MLLT3: variants seen among roughly 807,000 people sequenced by gnomAD.
The protein encoded by MLLT3 is protein AF-9.
MLLT3 carries 4 observed loss-of-function variants against 53.2 expected under a neutral mutation model. That is an observed-to-expected ratio of 0.08 (90% CI 0.04 to 0.17). MLLT3 has a LOEUF of 0.17. Among genes scored for constraint, MLLT3 ranks in the 10% least tolerant of loss-of-function variants. The pLI, the probability that MLLT3 is intolerant of heterozygous loss-of-function variation, is 1.00. For synonymous variants in MLLT3, 283 were observed against 230.6 expected (o/e 1.23, Z -2.06); for missense variants, 569 against 684.0 (o/e 0.83, Z 1.87).
Position 20,500,571 on chromosome 9 carries a change from C to T in MLLT3, c.194-43785G>A, listed in dbSNP as rs112041343. ...GGAAATCTTTGGAAAATTCAATTTG[C>T]CCCAGAATATATCCTAGTTCTCCCT... On this transcript the variant is annotated intron_variant, in intron 2 of 10. Transcript: ENST00000380338. 5.0e-3 allele frequency among the ~76,000 whole-genome samples: 756 copies of T among 152,258 alleles called. 5 individuals carry two copies. The highest frequency in any genetic ancestry group is 0.016 in the African/African-American group (669 of 41,538).
rs75657751 is a variant in MLLT3, at chr9:20,579,201, C to T, written c.193+41453G>A. ...TGGGCAACACAGTGAGACTACGTCT[C>T]TAAACAAATTAAAAATTAAAATTTA... On this transcript the variant is annotated intron_variant, in intron 2 of 10. Coordinates refer to ENST00000380338, the MANE Select transcript of MLLT3 (RefSeq NM_004529.4). Among the ~76,000 whole-genome samples, 610 of 152,174 alleles carry T rather than the reference C, an allele frequency of 4.0e-3. 1 individual carries two copies. Among genetic ancestry groups the T allele is most frequent in the African/African-American group, 0.014 (570 of 41,538 alleles).
chr9:20,598,340 A>T (rs1202097361), intron 2 of MLLT3, among the ~76,000 whole-genome samples: 1 of 152,208 alleles, frequency 6.6e-6, no homozygotes, highest in Non-Finnish European at 1.5e-5. Context: ...AATTACACTG[A>T]AATTTATCCA....
At chr9:20,532,960 T>C in intron 2 of MLLT3, 1 of 260,692 alleles carries the variant, frequency 3.8e-6, no homozygotes, top group Admixed American at 4.9e-5. Context: ...TCACCTGTCC[T>C]TCGAGCAGGA....
chr9:20,342,065 C>A lies in MLLT3; in HGVS notation c.*4378G>T, dbSNP rs893117495. On this transcript the variant is annotated 3_prime_UTR_variant, in exon 11 of 11. Transcript: ENST00000380338. ...TGTCCTCTCTCTGGATGTCTCAGAT[C>A]TCCCCATCTATTCTTCTTTAGAAAC... is the stretch of plus-strand genomic sequence containing the variant. 1 of 211,548 alleles carries A rather than the reference C, an allele frequency of 4.7e-6. No individual in the cohort carries two copies. The highest frequency in any genetic ancestry group is 2.3e-5 in the African/African-American group (1 of 44,040). 13.1% of individuals were successfully genotyped at this position (211,548 alleles called of 1,614,324 possible). A position where few individuals can be genotyped will look rare whatever the true frequency, so the allele number is the denominator to read the frequency against.
At chr9:20,450,572 G>T (rs569746238) in intron 3 of MLLT3, among the ~76,000 whole-genome samples, 4 of 152,070 alleles carry the variant, frequency 2.6e-5, no homozygotes, top group Non-Finnish European at 5.9e-5. Flanking sequence ...CATTCATTTG[G>T]CCTTTCACAA....
intron 4 of MLLT3, among the ~76,000 whole-genome samples, chr9:20,428,305 C>A (rs1467590670): frequency 6.6e-6 from 1 of 151,650 alleles, no homozygotes. Flanking sequence ...CTAACAGGAG[C>A]CTTTTAGTAA....
chr9:20,488,133 T>C (rs528035175), intron 2 of MLLT3, among the ~76,000 whole-genome samples: 157 of 152,184 alleles, frequency 1.0e-3, no homozygotes, highest in African/African-American at 3.7e-3. Context: ...AGGTAAAGAT[T>C]ACAGAAACAA....
chr9:20,469,591 C>G (rs899040047), intron 2 of MLLT3, among the ~76,000 whole-genome samples: 5 of 151,920 alleles, frequency 3.3e-5, no homozygotes, highest in African/African-American at 1.2e-4. Context: ...AAGGCTTCTG[C>G]CAGTAGTTGA....
At chr9:20,361,141 A>T (rs572277261) in intron 7 of MLLT3, among the ~76,000 whole-genome samples, 1 of 152,270 alleles carries the variant, frequency 6.6e-6, no homozygotes, top group African/African-American at 2.4e-5. Flanking sequence ...ATTCAAATAC[A>T]AGCAAGTGGC....
At chr9:20,371,219 G>A (rs1324465284) in intron 5 of MLLT3, among the ~76,000 whole-genome samples, 1 of 152,234 alleles carries the variant, frequency 6.6e-6, no homozygotes, top group African/African-American at 2.4e-5. Context: ...ACATAAAAGT[G>A]CAAGTTGAAG....
At chr9:20,548,188 A>G (rs7848021) in intron 2 of MLLT3, among the ~76,000 whole-genome samples, 106,143 of 152,178 alleles carry the variant, frequency 0.7, 37,288 homozygotes, top group East Asian at 0.85. Context: ...CAATTCTCTA[A>G]TCTAACCACA....
At chr9:20,460,054 A>C (rs1824071152) in intron 2 of MLLT3, among the ~76,000 whole-genome samples, 1 of 152,240 alleles carries the variant, frequency 6.6e-6, no homozygotes, top group African/African-American at 2.4e-5. Flanking sequence ...GTTCAAAAGA[A>C]ACAGAGGTTA....
intron 2 of MLLT3, among the ~76,000 whole-genome samples, chr9:20,535,166 G>C (rs1461127650): frequency 6.6e-6 from 1 of 152,202 alleles, no homozygotes; most frequent in African/African-American, 2.4e-5. Context: ...CAGATCAGTG[G>C]TGGCATTAGA....
chr9:20,622,288 G>C lies in MLLT3; in HGVS notation c.-32C>G. On this transcript the variant is annotated 5_prime_UTR_variant, in exon 1 of 11. Transcript: ENST00000380338. ...GGGCCCGGAGGTTTGCTGGGGTGTT[G>C]TGTGGTACCCCCCCCTCCTCCGCCC... 1 of 1,561,476 alleles carries C rather than the reference G, an allele frequency of 6.4e-7. No individual in the cohort carries two copies. Among genetic ancestry groups the C allele is most frequent in the Non-Finnish European group, 8.7e-7 (1 of 1,151,628 alleles).
rs145841135 is a variant in MLLT3 at position 20,348,938 on chromosome 9, T to C, written c.1576-2364A>G. Among the ~76,000 whole-genome samples, 93 of 152,332 alleles carry C rather than the reference T, an allele frequency of 6.1e-4. No individual in the cohort carries two copies. In the East Asian group the frequency reaches 0.017, roughly 28 times the overall value. ...AATTGAACTAAGACTATGTATTTTC[T>C]GGAATAATTTTTTTTTGCCATTTTG... On this transcript the variant is annotated intron_variant, in intron 10 of 10. Transcript: ENST00000380338.
chr9:20,410,379 T>C (rs1822698114), intron 5 of MLLT3, among the ~76,000 whole-genome samples: 1 of 152,172 alleles, frequency 6.6e-6, no homozygotes, highest in South Asian at 2.1e-4. Flanking sequence ...CCCACATTGA[T>C]TTATTAAATT....
intron 3 of MLLT3, among the ~76,000 whole-genome samples, chr9:20,450,081 T>C (rs545343915): frequency 7.2e-5 from 11 of 152,334 alleles, no homozygotes; most frequent in Middle Eastern, 3.4e-3. Flanking sequence ...ATATGTGTCT[T>C]TTGTCCTATC....
Position 20,342,328 on chromosome 9 carries a change from C to T in MLLT3, c.*4115G>A. The T allele has an allele frequency of 4.4e-6, 1 of 225,028 alleles. No individual in the cohort carries two copies. Among genetic ancestry groups the T allele is most frequent in the Non-Finnish European group, 8.8e-6 (1 of 113,008 alleles). The allele number at this position is 225,028 out of a possible 1,614,324, so 13.9% of individuals were successfully genotyped here. On this transcript the variant is annotated 3_prime_UTR_variant, in exon 11 of 11. Transcript: ENST00000380338. ...AGTGTGCCTTGAATTCACACAAAAG[C>T]ATGTACACATACACAATGTATCTTT...
At chr9:20,575,924 A>G (rs1226599915) in intron 2 of MLLT3, among the ~76,000 whole-genome samples, 1 of 152,224 alleles carries the variant, frequency 6.6e-6, no homozygotes, top group Non-Finnish European at 1.5e-5. Flanking sequence ...TTCCAAGTCA[A>G]GCACTGACTT....
Sources: gnomAD v4.1 joint callset for allele counts (sites outside exome capture counted in the v4.1 genomes callset) on GRCh38, gnomAD v4.1.1 for gene constraint, MANE v1.5 for transcripts, NCBI Gene and HGNC (gene_info 2026-07-23, HGNC 2026-07-21) for gene names.